The following APOB variants were observed in gnomAD, a reference collection of about 807,000 sequenced individuals.
APOB encodes the protein apolipoprotein B, also known as apolipoprotein B-100.
In APOB, 153 loss-of-function variants were observed where a neutral mutation model predicts 314.1. That is an observed-to-expected ratio of 0.49 (90% CI 0.43 to 0.56). The LOEUF (loss-of-function observed/expected upper bound fraction) is 0.56, where lower values mean the gene tolerates loss of function less well. Among genes scored for constraint, APOB ranks in the 20% least tolerant of loss-of-function variants. The probability of loss-of-function intolerance (pLI) is 0.00; values close to 1 mark genes in which losing one functional copy is unlikely to be tolerated. For synonymous variants in APOB, 2,087 were observed against 2,036.4 expected (o/e 1.02, Z -0.67); for missense variants, 5,430 against 5,350.7 (o/e 1.01, Z -0.46).
rs776276258 is a variant in APOB, at chr2:21,001,977, A to G, written c.13445T>C (p.Ile4482Thr). 3.1e-6 allele frequency: 5 copies of G among 1,613,872 alleles called. No individual in the cohort carries two copies. In the African/African-American group the frequency reaches 6.7e-5, roughly 22 times the overall value. ...TAQEIIKSQA[I>T]ATKKIISDYH... ...ATCAGAAATTATTTTCTTCGTCGCA[A>G]TGGCCTGGCTTTTAATTATTTCCTG... Residue 4482 changes from isoleucine to threonine, a missense_variant, in exon 29 of 29, where the codon ATT (isoleucine) becomes ACT (threonine). Ile to Thr is a moderately conservative substitution (Grantham distance 89, BLOSUM62 -1). Coordinates refer to ENST00000233242, the MANE Select transcript of APOB (RefSeq NM_000384.3).
intron 14 of APOB, among the ~76,000 whole-genome samples, 166 bp downstream of exon 14, chr2:21,027,662 G>A (rs1203710464): frequency 1.3e-5 from 2 of 152,152 alleles, no homozygotes; most frequent in Middle Eastern, 3.2e-3. Context: ...CCCCTAGCGG[G>A]GAGAGAGGAA....
intron 4 of APOB, 41 bp downstream of exon 4, chr2:21,040,897 G>T: frequency 6.2e-7 from 1 of 1,610,552 alleles, no homozygotes. Flanking sequence ...TACCTCAGCG[G>T]ACACACACAC....
In APOB at chr2:21,028,340, A is replaced by G. The variant is rs750158340; in HGVS notation, c.1816T>C (p.Leu606=). 4 of 1,613,716 alleles carry G rather than the reference A, an allele frequency of 2.5e-6. No homozygotes were observed. Among genetic ancestry groups the G allele is most frequent in the East Asian group, 2.2e-5 (1 of 44,876 alleles). Residue 606 remains leucine, a synonymous_variant, in exon 13 of 29, where the codon TTG becomes CTG. Coordinates refer to ENST00000233242, the MANE Select transcript of APOB (RefSeq NM_000384.3). ...GCTCTTACTTACTCTTGGATATCCAATTCTTCTGAGTTCAAGATATTGGCA... is the reference window on the plus strand; with the variant it reads ...GCTCTTACTTACTCTTGGATATCCAGTTCTTCTGAGTTCAAGATATTGGCA... ...HIANILNSEE[L]DIQDLKKLVK...
chr2:21,010,221 T>G lies in APOB; in HGVS notation c.6647A>C (p.Tyr2216Ser). 6.3e-7 allele frequency: 1 copy of G among 1,579,728 alleles called. No homozygotes were observed. Among genetic ancestry groups the G allele is most frequent in the Non-Finnish European group, 8.6e-7 (1 of 1,161,982 alleles). ...TTTTACTAAATTTACACGGATATGA[T>G]AGTGCTCATCAAGACTTTTTAATTT... The part of the protein sequence containing the change: ...IEKLKSLDEH[Y>S]HIRVNLVKTI... The change falls in exon 26 of 29, where the codon TAT becomes TCT. Residue 2216 changes from tyrosine (Y) to serine (S), a missense_variant. Transcript: ENST00000233242.
In APOB at chr2:21,032,445, G is replaced by C; in HGVS notation, c.1261C>G (p.Pro421Ala). Reference sequence around the variant, plus strand: ...ATCTCTCGCAGCTGCTGTGCTGAGGGCTCGGGGATCAGGGCCACCAGGTAG... The same window carrying C: ...ATCTCTCGCAGCTGCTGTGCTGAGGCCTCGGGGATCAGGGCCACCAGGTAG... ...VTYLVALIPE[P>A]SAQQLREIFN... is the part of the protein sequence containing the mutation. The change falls in exon 10 of 29, where the codon CCC becomes GCC. Residue 421 changes from proline to alanine, a missense_variant. Physicochemically the swap from Pro to Ala is conservative, Grantham distance 27. Transcript: ENST00000233242. 6.2e-7 allele frequency: 1 copy of C among 1,614,162 alleles called. No homozygotes were observed. The highest frequency in any genetic ancestry group is 1.6e-4 in the Middle Eastern group (1 of 6,062).
chr2:21,042,014 C>A (rs1039118782), intron 3 of APOB, among the ~76,000 whole-genome samples: 1 of 152,196 alleles, frequency 6.6e-6, no homozygotes, highest in African/African-American at 2.4e-5. Context: ...AGTGCGATTC[C>A]GAGTTGCCTG....
rs1663321666 is a variant in APOB at position 21,011,564 on chromosome 2, T to G, written c.5304A>C (p.Ser1768=). 6.2e-7 allele frequency: 1 copy of G among 1,614,212 alleles called. No homozygotes were observed. Among genetic ancestry groups the G allele is most frequent in the Non-Finnish European group, 8.5e-7 (1 of 1,180,024 alleles). ...NIAGLSLDFS[S]KLDNIYSSDK... ...CAGAGCTGTAAATGTTGTCAAGTTT[T>G]GAAGAGAAGTCCAGTGATAAGCCTG... The change falls in exon 26 of 29, where the codon TCA becomes TCC. Residue 1768 remains serine, a synonymous_variant. Transcript: ENST00000233242.
rs748301384 is a variant in APOB, at chr2:21,043,878, G to T, written c.68C>A (p.Ala23Glu). ...ALPALLLLLL[A>E]GARAEEEMLE... ...CGCGCACTCACCGGCCCTGGCGCCCGCCAGCAGCAGCAGCAGCAGCGCAGG... is the reference window on the plus strand; with the variant it reads ...CGCGCACTCACCGGCCCTGGCGCCCTCCAGCAGCAGCAGCAGCAGCGCAGG... Residue 23 changes from alanine to glutamate, a missense_variant, in exon 1 of 29, where the codon GCG (alanine) becomes GAG (glutamate). By Grantham distance (107) the Ala-to-Glu change is moderately radical. Coordinates refer to ENST00000233242, the MANE Select transcript of APOB (RefSeq NM_000384.3). 16 of 1,490,290 alleles carry T rather than the reference G, an allele frequency of 1.1e-5. No homozygotes were observed. Among genetic ancestry groups the T allele is most frequent in the South Asian group, 2.5e-5 (2 of 79,636 alleles). The allele number at this position is 1,490,290 out of a possible 1,614,324, so 92.3% of individuals were successfully genotyped here.
At position 21,024,962 on chromosome 2, in the gene APOB, C is replaced by T. The variant is rs757185314; in HGVS notation, c.2407G>A (p.Ala803Thr). Residue 803 changes from alanine (A) to threonine (T), a missense_variant, in exon 16 of 29, where the codon GCC (alanine) becomes ACC (threonine). This residue lies in a region of APOB where 2,085 missense variants were observed against 2,079.7 expected (regional missense o/e 1.00). Coordinates refer to ENST00000233242, the MANE Select transcript of APOB (RefSeq NM_000384.3). Reference protein sequence around the residue: ...QLLGKLLLMGARTLQGIPQMI... With the variant: ...QLLGKLLLMGTRTLQGIPQMI... Reference sequence around the variant, plus strand: ...TGGGGGATCCCCTGCAGAGTGCGGGCACCCATCAGAAGCAGCTTTCCCAGG... The same window carrying T: ...TGGGGGATCCCCTGCAGAGTGCGGGTACCCATCAGAAGCAGCTTTCCCAGG... 5.6e-6 allele frequency: 9 copies of T among 1,614,150 alleles called. No individual in the cohort carries two copies. Among genetic ancestry groups the T allele is most frequent in the Middle Eastern group, 1.6e-4 (1 of 6,062 alleles).
In APOB at chr2:21,007,898, T is replaced by TG. The variant is rs1415167130; in HGVS notation, c.8969dup (p.Gln2991ThrfsTer15). On this transcript the variant is annotated frameshift_variant, in exon 26 of 29. Transcript: ENST00000233242. LOFTEE classifies it high-confidence loss of function. ...GGCCCACATGCTGGGAATCGACTTG[T>TG]GATTGAATTTCAAGTTTAGAAAAGT... 6.2e-7 allele frequency: 1 copy of TG among 1,613,938 alleles called. No homozygotes were observed.
rs370585830 is a variant in APOB at position 21,008,247 on chromosome 2, A to T, written c.8621T>A (p.Ile2874Asn). 4 of 1,613,994 alleles carry T rather than the reference A, an allele frequency of 2.5e-6. No homozygotes were observed. The highest frequency in any genetic ancestry group is 2.5e-6 in the Non-Finnish European group (3 of 1,179,964). ...KNTLELSNGV[I>N]VKINNQLTLD... ...GGTAAGCTGATTGTTTATCTTGACA[A>T]TCACTCCATTACTAAGCTCCAGTGT... The change falls in exon 26 of 29, where the codon ATT (isoleucine) becomes AAT (asparagine). Residue 2874 changes from isoleucine (I) to asparagine (N), a missense_variant. Coordinates refer to ENST00000233242, the MANE Select transcript of APOB (RefSeq NM_000384.3).
intron 1 of APOB, 106 bp downstream of exon 1, chr2:21,043,758 C>T: frequency 6.6e-7 from 1 of 1,511,104 alleles, no homozygotes; most frequent in Non-Finnish European, 8.8e-7. Flanking sequence ...CGCCCTGGAC[C>T]CTGTGGCTGC....
chr2:21,010,678 G>A lies in APOB; in HGVS notation c.6190C>T (p.Gln2064Ter). The stretch of plus-strand genomic sequence containing the variant: ...GGGAGGTTAATGGAGTGAACATCTT[G>A]GTTTTTATCATACTTTACAAAAGCA... ...IVAFVKYDKN[Q>*]DVHSINLPFF... The change falls in exon 26 of 29, where the codon CAA becomes TAA. Residue 2064 changes from glutamine (Q) to a stop codon, truncating the protein, a stop_gained. Transcript: ENST00000233242. LOFTEE classifies it high-confidence loss of function. 6.2e-7 allele frequency: 1 copy of A among 1,613,984 alleles called. No homozygotes were observed. The highest frequency in any genetic ancestry group is 8.5e-7 in the Non-Finnish European group (1 of 1,179,956).
rs750914658 is a variant in APOB, at chr2:21,010,608, G to C, written c.6260C>G (p.Thr2087Ser). Reference protein sequence around the residue: ...LQEYFERNRQTIIVVLENVQR... With the variant: ...LQEYFERNRQSIIVVLENVQR... ...TACGTTTTCCAGTACAACTATAATG[G>C]TTTGTCGATTCCTCTCAAAATATTC... Residue 2087 changes from threonine (T) to serine (S), a missense_variant, in exon 26 of 29, where the codon ACC becomes AGC. Thr to Ser is a moderately conservative substitution (Grantham distance 58). Transcript: ENST00000233242. The C allele has an allele frequency of 6.2e-7, 1 of 1,614,064 alleles. No homozygotes were observed. The highest frequency in any genetic ancestry group is 8.5e-7 in the Non-Finnish European group (1 of 1,179,990).
chr2:21,011,769 T>A lies in APOB; in HGVS notation c.5099A>T (p.Asp1700Val), dbSNP rs764352808. 6.2e-7 allele frequency: 1 copy of A among 1,614,086 alleles called. No homozygotes were observed. The highest frequency in any genetic ancestry group is 2.2e-5 in the East Asian group (1 of 44,870). Residue 1700 changes from aspartate to valine, a missense_variant, in exon 26 of 29, where the codon GAT becomes GTT. This residue lies in a region of APOB where 2,085 missense variants were observed against 2,079.7 expected (regional missense o/e 1.00). Coordinates refer to ENST00000233242, the MANE Select transcript of APOB (RefSeq NM_000384.3). The stretch of plus-strand genomic sequence containing the variant: ...TAGCTCTGTGAGGGCGGCTTTCCCA[T>A]CCAGACTGAATTTTGCATTGTGTTC... ...FREHNAKFSL[D>V]GKAALTELSL...
chr2:21,025,712 G>A lies in APOB; in HGVS notation c.2245-588C>T, dbSNP rs1010469480. On this transcript the variant is annotated intron_variant, in intron 15 of 28. Transcript: ENST00000233242. The stretch of plus-strand genomic sequence containing the variant: ...GAAGATGGAGCTCGTGCTCAACAGT[G>A]AGCCTGGAGGGGTAAATTACTGCCT... Among the ~76,000 whole-genome samples, 10 of 152,312 alleles carry A rather than the reference G, an allele frequency of 6.6e-5. No individual in the cohort carries two copies. The East Asian group carries it at 1.7e-3, about 26-fold the overall frequency.
At position 21,024,974 on chromosome 2, in the gene APOB, G is replaced by T; in HGVS notation, c.2395C>A (p.Leu799Ile). 6.2e-7 allele frequency: 1 copy of T among 1,614,188 alleles called. No homozygotes were observed. The highest frequency in any genetic ancestry group is 8.5e-7 in the Non-Finnish European group (1 of 1,180,028). The change falls in exon 16 of 29, where the codon CTT (leucine) becomes ATT (isoleucine). Residue 799 changes from leucine to isoleucine, a missense_variant. Leu to Ile is a conservative substitution (Grantham distance 5). Coordinates refer to ENST00000233242, the MANE Select transcript of APOB (RefSeq NM_000384.3). ...TGCAGAGTGCGGGCACCCATCAGAA[G>T]CAGCTTTCCCAGGAGCTGGAGGTCA... is the stretch of plus-strand genomic sequence containing the variant. ...LHDLQLLGKL[L>I]LMGARTLQGI... is the part of the protein sequence containing the mutation.
intron 21 of APOB, among the ~76,000 whole-genome samples, 181 bp from the exon 22 acceptor site, chr2:21,015,726 C>T (rs1178372322): frequency 6.6e-6 from 1 of 152,140 alleles, no homozygotes; most frequent in Non-Finnish European, 1.5e-5. Flanking sequence ...AAGGACTTTG[C>T]AAACAGGTTT....
At position 21,018,987 on chromosome 2, in the gene APOB, C is replaced by T. The variant is rs1048281013; in HGVS notation, c.3121+5G>A. On this transcript the variant is annotated splice_donor_5th_base_variant and intron_variant, in intron 20 of 28. Coordinates refer to ENST00000233242, the MANE Select transcript of APOB (RefSeq NM_000384.3). ...AGATGAGGCAGCTGTGTTTTGAATA[C>T]TCACCTTCTGCTTGAGTTACAAACT... 1.2e-6 allele frequency: 2 copies of T among 1,613,906 alleles called. No individual in the cohort carries two copies. Among genetic ancestry groups the T allele is most frequent in the African/African-American group, 2.7e-5 (2 of 74,894 alleles).
Sources: allele counts gnomAD v4.1 joint callset (sites outside exome capture counted in the v4.1 genomes callset), GRCh38; gene constraint gnomAD v4.1.1; regional missense constraint gnomAD v4.1.1; transcripts MANE v1.5; gene names NCBI Gene and HGNC (gene_info 2026-07-23, HGNC 2026-07-21).